ZSCAN21: variants seen among roughly 807,000 people sequenced by gnomAD.
ZSCAN21 encodes the protein zinc finger and SCAN domain-containing protein 21.
Under a neutral mutation model 35.6 loss-of-function variants are expected in ZSCAN21, and 26 were observed. That is an observed-to-expected ratio of 0.73 (90% confidence interval 0.54 to 1.01). ZSCAN21 has a LOEUF of 1.01. ZSCAN21 is among the 50% of genes least tolerant of loss of function. The pLI, the probability that ZSCAN21 is intolerant of heterozygous loss-of-function variation, is 0.00. For synonymous variants in ZSCAN21, 219 were observed against 219.3 expected, an observed-to-expected ratio of 1.00 and a Z score of 0.01; for missense variants, 593 against 587.1, an observed-to-expected ratio of 1.01 and a Z score of -0.10.
Position 100,064,178 on chromosome 7 carries a change from T to TG in ZSCAN21, c.985dup (p.Val329GlyfsTer6). On this transcript the variant is annotated frameshift_variant, in exon 4 of 4. Coordinates refer to ENST00000292450, the MANE Select transcript of ZSCAN21 (RefSeq NM_145914.3). LOFTEE classifies it high-confidence loss of function. ...CTCACCCTCCACTACAGAACACACT[T>TG]GGTGGACCGGCCCTATGACTGTAAG... The TG allele has an allele frequency of 1.9e-6, 3 of 1,613,636 alleles. No homozygotes were observed. The highest frequency in any genetic ancestry group is 1.7e-6 in the Non-Finnish European group (2 of 1,179,918).
In ZSCAN21 at chr7:100,064,920, A is replaced by T. The variant is rs1792566825; in HGVS notation, c.*303A>T. 2 of 1,612,478 alleles carry T rather than the reference A, an allele frequency of 1.2e-6. No individual in the cohort carries two copies. Among genetic ancestry groups the T allele is most frequent in the African/African-American group, 2.7e-5 (2 of 75,022 alleles). Reference sequence around the variant, plus strand: ...AACAGACGTGTATCCAGTCTAGTTAAGGAAGAAACATTAAGATTGTTTAAT... The same window carrying T: ...AACAGACGTGTATCCAGTCTAGTTATGGAAGAAACATTAAGATTGTTTAAT... On this transcript the variant is annotated 3_prime_UTR_variant, in exon 4 of 4. Coordinates refer to ENST00000292450, the MANE Select transcript of ZSCAN21 (RefSeq NM_145914.3).
chr7:100,057,495 T>G (rs1475499844), intron 2 of ZSCAN21, 90 bp downstream of exon 2: 2 of 1,466,426 alleles, frequency 1.4e-6, no homozygotes, highest in African/African-American at 2.8e-5. Flanking sequence ...TAAGATTTGC[T>G]GAATGGAAAT....
Position 100,057,328 on chromosome 7 carries a change from C to T in ZSCAN21, c.322C>T (p.His108Tyr). 6.2e-7 allele frequency: 1 copy of T among 1,609,382 alleles called. No homozygotes were observed. The highest frequency in any genetic ancestry group is 8.5e-7 in the Non-Finnish European group (1 of 1,178,048). Residue 108 changes from histidine to tyrosine, a missense_variant, in exon 2 of 4, where the codon CAT (histidine) becomes TAT (tyrosine). Transcript: ENST00000292450. ...GGAGCTCCAGGCCTGGGTGCAGGAG[C>T]ATTGCCCGGAGAGCGCTGAAGAGGC... is the stretch of plus-strand genomic sequence containing the variant. ...PQELQAWVQE[H>Y]CPESAEEAVT... is the part of the protein sequence containing the mutation.
intron 1 of ZSCAN21, among the ~76,000 whole-genome samples, chr7:100,054,046 G>T (rs576856156): frequency 6.6e-6 from 1 of 151,806 alleles, no homozygotes; most frequent in East Asian, 2.0e-4. Flanking sequence ...CTCCAGCACA[G>T]CTACCTCATT....
At chr7:100,063,137 C>G (rs1374014950) in intron 3 of ZSCAN21, among the ~76,000 whole-genome samples, 1 of 152,244 alleles carries the variant, frequency 6.6e-6, no homozygotes, top group East Asian at 1.9e-4. Flanking sequence ...TCAAGCCATC[C>G]TCCCGCCTCA....
intron 1 of ZSCAN21, among the ~76,000 whole-genome samples, chr7:100,050,236 T>C (rs368348214): frequency 7.8e-4 from 119 of 152,110 alleles, no homozygotes; most frequent in African/African-American, 2.7e-3. Context: ...GCCCAAGGTG[T>C]TGGAAACCTG....
chr7:100,050,163 G>A (rs940551959), intron 1 of ZSCAN21, among the ~76,000 whole-genome samples: 1 of 152,142 alleles, frequency 6.6e-6, no homozygotes, highest in African/African-American at 2.4e-5. Flanking sequence ...GTCTGACCGT[G>A]GCCGCCTTTT....
chr7:100,061,162 G>A (rs1792276519), intron 3 of ZSCAN21, among the ~76,000 whole-genome samples: 1 of 152,152 alleles, frequency 6.6e-6, no homozygotes, highest in Non-Finnish European at 1.5e-5. Flanking sequence ...CAGCCTGGAA[G>A]ACAATGAAAT....
chr7:100,060,078 CTG>C (rs1330768032), intron 3 of ZSCAN21, among the ~76,000 whole-genome samples: 1 of 152,180 alleles, frequency 6.6e-6, no homozygotes, highest in African/African-American at 2.4e-5. Flanking sequence ...AAAGTGAAAA[CTG>C]TAGTCATTGA....
Position 100,064,603 on chromosome 7 carries a change from G to C in ZSCAN21, c.1408G>C (p.Gly470Arg). The change falls in exon 4 of 4, where the codon GGA (glycine) becomes CGA (arginine). Residue 470 changes from glycine (G) to arginine (R), a missense_variant. Coordinates refer to ENST00000292450, the MANE Select transcript of ZSCAN21 (RefSeq NM_145914.3). ...SKHQRVHTGEGEAP is the reference protein window; with the variant it reads ...SKHQRVHTGEREAP ...ACATCAGCGAGTCCACACTGGAGAG[G>C]GAGAAGCACCGTAACTTTCAAGCGC... 6.2e-7 allele frequency: 1 copy of C among 1,613,352 alleles called. No individual in the cohort carries two copies. Among genetic ancestry groups the C allele is most frequent in the Non-Finnish European group, 8.5e-7 (1 of 1,179,676 alleles).
In ZSCAN21 at chr7:100,063,977, A is replaced by C. The variant is rs142262559; in HGVS notation, c.782A>C (p.Lys261Thr). 3.7e-5 allele frequency: 59 copies of C among 1,614,016 alleles called. No individual in the cohort carries two copies. The highest frequency in any genetic ancestry group is 4.7e-5 in the Non-Finnish European group (55 of 1,180,008). ...CCTCTTCAAGAGGCAGGCTCCAAGA[A>C]AGGTAGAGAATCAGTTCCTACTAAA... ...KPPLQEAGSKKGRESVPTKPT... is the reference protein window; with the variant it reads ...KPPLQEAGSKTGRESVPTKPT... Residue 261 changes from lysine to threonine, a missense_variant, in exon 4 of 4, where the codon AAA becomes ACA. Lys to Thr is a moderately conservative substitution (Grantham distance 78). Transcript: ENST00000292450.
At chr7:100,063,647 G>C (rs947529318) in intron 3 of ZSCAN21, 141 bp from the exon 4 acceptor site, 2 of 711,934 alleles carry the variant, frequency 2.8e-6, no homozygotes, top group Non-Finnish European at 4.6e-6. Flanking sequence ...TGATTTACTT[G>C]TATCTATGCG....
intron 1 of ZSCAN21, chr7:100,051,532 G>A (rs74931323): frequency 0.27 from 40,926 of 151,616 alleles, 6,472 homozygotes; most frequent in Middle Eastern, 0.47. Flanking sequence ...CTGACCTCGT[G>A]ATCTGCCCGC....
chr7:100,063,850 G>C lies in ZSCAN21; in HGVS notation c.655G>C (p.Gly219Arg). 6.2e-7 allele frequency: 1 copy of C among 1,613,996 alleles called. No homozygotes were observed. Among genetic ancestry groups the C allele is most frequent in the Non-Finnish European group, 8.5e-7 (1 of 1,180,022 alleles). ...TGAGCAGAAAGGTTCTGAAGCAGAG[G>C]GGCTCAAAGGGGATATAATTTCTGT... Reference protein sequence around the residue: ...ADEQKGSEAEGLKGDIISVII... With the variant: ...ADEQKGSEAERLKGDIISVII... Residue 219 changes from glycine (G) to arginine (R), a missense_variant, in exon 4 of 4, where the codon GGG (glycine) becomes CGG (arginine). Gly to Arg is a moderately radical substitution (Grantham distance 125, BLOSUM62 -2). Transcript: ENST00000292450.
chr7:100,062,011 A>C (rs577318523), intron 3 of ZSCAN21, among the ~76,000 whole-genome samples: 1 of 152,248 alleles, frequency 6.6e-6, no homozygotes, highest in Non-Finnish European at 1.5e-5. Context: ...TAACTGAATT[A>C]CAAGATGTAG....
At chr7:100,057,645 CT>C (rs1792126955) in intron 2 of ZSCAN21, 52 bp from the exon 3 acceptor site, 2 of 1,505,788 alleles carry the variant, frequency 1.3e-6, no homozygotes, top group African/African-American at 2.8e-5. Context: ...GATTTTCATT[CT>C]TGGTCTTAAA....
intron 3 of ZSCAN21, among the ~76,000 whole-genome samples, chr7:100,061,880 CT>C (rs1279880695): frequency 6.6e-6 from 1 of 152,236 alleles, no homozygotes; most frequent in African/African-American, 2.4e-5. Context: ...GCGAATTTCT[CT>C]TACTCCCCTT....
At chr7:100,056,295 CA>C (rs1285536456) in intron 1 of ZSCAN21, among the ~76,000 whole-genome samples, 8 of 152,236 alleles carry the variant, frequency 5.3e-5, no homozygotes, top group African/African-American at 1.9e-4. Context: ...AAACAGATGG[CA>C]TCTAGCCAGT....
At position 100,050,227 on chromosome 7, in the gene ZSCAN21, C is replaced by G. The variant is rs146586714; in HGVS notation, c.-97+386C>G. Among the ~76,000 whole-genome samples the G allele has an allele frequency of 1.8e-3, 276 of 152,190 alleles. 2 individuals carry two copies. The highest frequency in any genetic ancestry group is 6.8e-3 in the Middle Eastern group (2 of 294). ...CGCAAGGCTCATTGATGGCAATACG[C>G]CCAAGGTGTTGGAAACCTGTGGGAA... On this transcript the variant is annotated intron_variant, in intron 1 of 3. Transcript: ENST00000292450.
Sources: gnomAD v4.1 joint callset for allele counts (sites outside exome capture counted in the v4.1 genomes callset) on GRCh38, gnomAD v4.1.1 for gene constraint, MANE v1.5 for transcripts, NCBI Gene and HGNC (gene_info 2026-07-23, HGNC 2026-07-21) for gene names.